The following YAF2 variants were observed in gnomAD, a reference collection of about 807,000 sequenced individuals.
The protein encoded by YAF2 is YY1 associated factor 2, also known as YY1-associated factor 2.
Under a neutral mutation model 20.1 loss-of-function variants are expected in YAF2, and 7 were observed. The observed-to-expected ratio is 0.35, with a 90% CI of 0.20 to 0.65. The LOEUF (loss-of-function observed/expected upper bound fraction) is 0.65. YAF2 is among the 30% of genes least tolerant of loss of function. The pLI is 0.69. For missense variants in YAF2, 151 were observed against 219.2 expected, an observed-to-expected ratio of 0.69 and a Z score of 1.96; for synonymous variants, 74 against 76.0, an observed-to-expected ratio of 0.97 and a Z score of 0.14.
intron 2 of YAF2, among the ~76,000 whole-genome samples, chr12:42,219,468 T>C (rs1244228107): frequency 2.6e-5 from 4 of 152,272 alleles, no homozygotes; most frequent in South Asian, 4.1e-4. Flanking sequence ...AGAGAAAGCA[T>C]TTTTGGACAT....
Position 42,220,653 on chromosome 12 carries a change from A to C in YAF2, c.152+16946T>G, listed in dbSNP as rs114713945. Among the ~76,000 whole-genome samples, 1,509 of 152,298 alleles carry C rather than the reference A, an allele frequency of 9.9e-3. 29 individuals carry two copies. The highest frequency in any genetic ancestry group is 0.035 in the African/African-American group (1,444 of 41,564). On this transcript the variant is annotated intron_variant, in intron 2 of 3. Coordinates refer to ENST00000534854, the MANE Select transcript of YAF2 (RefSeq NM_005748.6). ...GTTGAGCAGCTACCTCCCTGGCATAAAAATCATTTACTTGCTGCCATTCTG... is the reference window on the plus strand; with the variant it reads ...GTTGAGCAGCTACCTCCCTGGCATACAAATCATTTACTTGCTGCCATTCTG...
At position 42,157,234 on chromosome 12, in the gene YAF2, G is replaced by A. The variant is rs2065725049; in HGVS notation, c.*3355C>T. On this transcript the variant is annotated 3_prime_UTR_variant, in exon 4 of 4. Transcript: ENST00000534854. ...GGAAAGCAGATGGTGAACTGAGGAGGGCAAAGAGAACAGAACACAAGAAGC... is the reference window on the plus strand; with the variant it reads ...GGAAAGCAGATGGTGAACTGAGGAGAGCAAAGAGAACAGAACACAAGAAGC... 1 of 152,204 alleles carries A rather than the reference G, an allele frequency of 6.6e-6. No individual in the cohort carries two copies. Among genetic ancestry groups the A allele is most frequent in the African/African-American group, 2.4e-5 (1 of 41,460 alleles). The allele number at this position is 152,204 out of a possible 1,614,324, so 9.4% of individuals were successfully genotyped here.
At chr12:42,188,053 G>A (rs376176473) in intron 2 of YAF2, among the ~76,000 whole-genome samples, 3 of 152,290 alleles carry the variant, frequency 2.0e-5, no homozygotes, top group East Asian at 3.9e-4. Context: ...GAAACCCAGA[G>A]CCAGAACCAC....
chr12:42,222,959 T>C (rs2067566614), intron 2 of YAF2, among the ~76,000 whole-genome samples: 1 of 151,548 alleles, frequency 6.6e-6, no homozygotes, highest in Admixed American at 6.6e-5. Context: ...TTTGTTACCA[T>C]TGGTAGTTTC....
intron 2 of YAF2, chr12:42,235,066 A>G (rs2068104925): frequency 2.0e-6 from 2 of 985,418 alleles, no homozygotes; most frequent in Non-Finnish European, 2.4e-6. Context: ...AAAAGAAAAA[A>G]GTTTTTCAAA....
At chr12:42,176,294 T>C (rs1341115698) in intron 2 of YAF2, among the ~76,000 whole-genome samples, 2 of 152,040 alleles carry the variant, frequency 1.3e-5, no homozygotes. Flanking sequence ...CTAATTTTTG[T>C]ATTTTAAATA....
chr12:42,232,714 C>T, intron 2 of YAF2: 1 of 985,324 alleles, frequency 1.0e-6, no homozygotes, highest in Non-Finnish European at 1.2e-6. Flanking sequence ...AGACATAAAG[C>T]AAGTATGACA....
chr12:42,207,722 C>G (rs993233898), intron 2 of YAF2, among the ~76,000 whole-genome samples: 27 of 152,132 alleles, frequency 1.8e-4, no homozygotes, highest in African/African-American at 5.5e-4. Flanking sequence ...GAAACCCCGT[C>G]TCTACTAAAA....
chr12:42,206,608 TAA>T (rs59450062), intron 2 of YAF2, among the ~76,000 whole-genome samples: 11 of 135,268 alleles, frequency 8.1e-5, no homozygotes, highest in African/African-American at 1.4e-4. Context: ...GACTCCATAT[TAA>T]AAAAAAAAAA....
At chr12:42,226,544 G>A (rs958356273) in intron 2 of YAF2, among the ~76,000 whole-genome samples, 2 of 152,110 alleles carry the variant, frequency 1.3e-5, no homozygotes, top group Non-Finnish European at 2.9e-5. Flanking sequence ...CACCCCTGTA[G>A]TCCCAGCTAC....
At chr12:42,186,584 G>A (rs2066480059) in intron 2 of YAF2, among the ~76,000 whole-genome samples, 2 of 151,298 alleles carry the variant, frequency 1.3e-5, no homozygotes, top group Non-Finnish European at 3.0e-5. Context: ...GGCTGTGAAA[G>A]GAGAATCGCT....
At chr12:42,230,094 TA>T (rs1329353705) in intron 2 of YAF2, among the ~76,000 whole-genome samples, 1 of 151,906 alleles carries the variant, frequency 6.6e-6, no homozygotes, top group Non-Finnish European at 1.5e-5. Context: ...CTGTCTCTAC[TA>T]AAAATAAAAA....
In YAF2 at chr12:42,159,007, A is replaced by C. The variant is rs960601017; in HGVS notation, c.*1582T>G. On this transcript the variant is annotated 3_prime_UTR_variant, in exon 4 of 4. Transcript: ENST00000534854. ...GTATCTTATAATAAACACAAATTTT[A>C]ATTTTTCATTTAACAACACTAAAGA... is the stretch of plus-strand genomic sequence containing the variant. The C allele has an allele frequency of 6.6e-6, 1 of 152,150 alleles. No homozygotes were observed. Among genetic ancestry groups the C allele is most frequent in the Non-Finnish European group, 1.5e-5 (1 of 67,998 alleles). The allele number at this position is 152,150 out of a possible 1,614,324, so 9.4% of individuals were successfully genotyped here.
At chr12:42,195,941 G>A (rs533231374) in intron 2 of YAF2, among the ~76,000 whole-genome samples, 2 of 152,236 alleles carry the variant, frequency 1.3e-5, no homozygotes, top group South Asian at 4.1e-4. Flanking sequence ...GGGAGGACAG[G>A]CCAGGCACAG....
intron 2 of YAF2, among the ~76,000 whole-genome samples, chr12:42,204,113 C>A (rs1207189495): frequency 1.3e-5 from 2 of 152,124 alleles, no homozygotes; most frequent in Non-Finnish European, 2.9e-5. Context: ...TCTGACACCA[C>A]TTCACACAAA....
chr12:42,228,131 C>T (rs1440809918), intron 2 of YAF2, among the ~76,000 whole-genome samples: 2 of 81,238 alleles, frequency 2.5e-5, no homozygotes, highest in African/African-American at 5.8e-5. Context: ...CCAGCCGCCC[C>T]GTCCGGGAGG....
chr12:42,212,285 C>T (rs887858525), intron 2 of YAF2, among the ~76,000 whole-genome samples: 1 of 152,130 alleles, frequency 6.6e-6, no homozygotes, highest in African/African-American at 2.4e-5. Flanking sequence ...GAAGATATTA[C>T]ATTACCTTTA....
chr12:42,160,531 T>C lies in YAF2; in HGVS notation c.*58A>G, dbSNP rs1295303791. 1.5e-6 allele frequency: 2 copies of C among 1,320,528 alleles called. No homozygotes were observed. The highest frequency in any genetic ancestry group is 2.1e-6 in the Non-Finnish European group (2 of 931,092). The allele number at this position is 1,320,528 out of a possible 1,614,324, so 81.8% of individuals were successfully genotyped here. On this transcript the variant is annotated 3_prime_UTR_variant, in exon 4 of 4. Coordinates refer to ENST00000534854, the MANE Select transcript of YAF2 (RefSeq NM_005748.6). Reference sequence around the variant, plus strand: ...CATGAAAATGTGGTACCTCTTGGCATAATCTGTGTATTTGCATGGTAGGAC... The same window carrying C: ...CATGAAAATGTGGTACCTCTTGGCACAATCTGTGTATTTGCATGGTAGGAC...
chr12:42,198,887 G>A (rs1017491884), intron 2 of YAF2, among the ~76,000 whole-genome samples: 4 of 152,184 alleles, frequency 2.6e-5, no homozygotes, highest in African/African-American at 4.8e-5. Context: ...AACTACATGT[G>A]GGTACTGAGC....
Sources: gnomAD v4.1 joint callset for allele counts (sites outside exome capture counted in the v4.1 genomes callset) on GRCh38, gnomAD v4.1.1 for gene constraint, MANE v1.5 for transcripts, NCBI Gene and HGNC (gene_info 2026-07-23, HGNC 2026-07-21) for gene names.